Variants in BMPER observed in about 807,000 individuals in gnomAD.
BMPER encodes BMP binding endothelial regulator, also known as BMP-binding endothelial regulator protein.
A neutral mutation model predicts 87.3 loss-of-function variants in BMPER; 45 were observed. The observed-to-expected ratio is 0.52, with a 90% CI of 0.41 to 0.66. The LOEUF is 0.66. Ranked by LOEUF, BMPER falls within the 30% of genes least tolerant of loss-of-function variation. The pLI, the probability that BMPER is intolerant of heterozygous loss-of-function variation, is 0.00. For synonymous variants in BMPER, 326 were observed against 316.2 expected (o/e 1.03, Z -0.33); for missense variants, 784 against 867.5 (o/e 0.90, Z 1.21).
intron 2 of BMPER, among the ~76,000 whole-genome samples, chr7:33,928,770 TC>T (rs1784418417): frequency 6.6e-6 from 1 of 150,878 alleles, no homozygotes; most frequent in African/African-American, 2.4e-5. Flanking sequence ...CAGAAGGGCC[TC>T]CTTATTAATC....
intron 13 of BMPER, among the ~76,000 whole-genome samples, chr7:34,093,998 G>A (rs370053562): frequency 6.6e-6 from 1 of 152,278 alleles, no homozygotes; most frequent in African/African-American, 2.4e-5. Context: ...GAGGGGAAGG[G>A]ACTCATTCCA....
At chr7:33,925,523 A>C (rs1362773606) in intron 2 of BMPER, among the ~76,000 whole-genome samples, 1 of 152,186 alleles carries the variant, frequency 6.6e-6, no homozygotes, top group Non-Finnish European at 1.5e-5. Context: ...ATTACCACTC[A>C]TGGTGGACTT....
intron 6 of BMPER, among the ~76,000 whole-genome samples, chr7:34,024,376 AAAAAAACAATATATATAT>A (rs1562695106): frequency 5.4e-4 from 53 of 97,278 alleles, no homozygotes; most frequent in African/African-American, 2.5e-3. Context: ...AAAAAAAAAA[AAAAAAACAATATATATAT>A]ATATATATAT....
In BMPER at chr7:34,058,155, T is replaced by A. The variant is rs768916741; in HGVS notation, c.1024T>A (p.Cys342Ser). 3 of 1,613,768 alleles carry A rather than the reference T, an allele frequency of 1.9e-6. No individual in the cohort carries two copies. The highest frequency in any genetic ancestry group is 2.5e-6 in the Non-Finnish European group (3 of 1,179,650). ...TAAGCAGTGCATTCCCATCAGTAGC[T>A]GCCCACAGGTATGTTTGGAACACAG... is the stretch of plus-strand genomic sequence containing the variant. Reference protein sequence around the residue: ...RNKQCIPISSCPQGKILNRKG... With the variant: ...RNKQCIPISSSPQGKILNRKG... Residue 342 changes from cysteine to serine, a missense_variant, in exon 10 of 15, where the codon TGC becomes AGC. Cys to Ser is a moderately radical substitution (Grantham distance 112, BLOSUM62 -1). Transcript: ENST00000649409.
intron 11 of BMPER, among the ~76,000 whole-genome samples, chr7:34,077,512 A>G (rs1347764588): frequency 1.3e-5 from 2 of 152,188 alleles, no homozygotes; most frequent in Non-Finnish European, 2.9e-5. Flanking sequence ...GTATTTGTTC[A>G]TTGAAATTCT....
chr7:34,067,055 T>C (rs987403360), intron 11 of BMPER, among the ~76,000 whole-genome samples: 7 of 152,196 alleles, frequency 4.6e-5, no homozygotes, highest in African/African-American at 1.7e-4. Context: ...ACACTGAGGC[T>C]GATTGAATAT....
chr7:34,057,845 C>CAA (rs1425140706), intron 9 of BMPER, among the ~76,000 whole-genome samples: 1 of 152,002 alleles, frequency 6.6e-6, no homozygotes, highest in Non-Finnish European at 1.5e-5. Flanking sequence ...CACACACACA[C>CAA]ACACACACAC....
intron 5 of BMPER, among the ~76,000 whole-genome samples, chr7:33,971,554 C>T (rs1785548005): frequency 6.6e-6 from 1 of 152,124 alleles, no homozygotes; most frequent in Non-Finnish European, 1.5e-5. Flanking sequence ...GCAGAGATTG[C>T]TTGAGTGCTT....
chr7:34,103,682 C>T (rs920821471), intron 13 of BMPER, among the ~76,000 whole-genome samples: 4 of 152,098 alleles, frequency 2.6e-5, no homozygotes, highest in African/African-American at 4.8e-5. Context: ...AATAGCTTCT[C>T]TTTAAAGAAG....
chr7:34,131,871 A>G (rs1457319118), intron 13 of BMPER, among the ~76,000 whole-genome samples: 1 of 152,180 alleles, frequency 6.6e-6, no homozygotes, highest in African/African-American at 2.4e-5. Context: ...TCTGAACTTC[A>G]GTGGGGCTGG....
At chr7:33,968,311 G>A (rs1785455575) in intron 4 of BMPER, among the ~76,000 whole-genome samples, 2 of 152,198 alleles carry the variant, frequency 1.3e-5, no homozygotes, top group South Asian at 4.1e-4. Context: ...ACCAAAGGCT[G>A]CTCCTTTGCT....
At chr7:33,927,007 G>A (rs1562634646) in intron 2 of BMPER, among the ~76,000 whole-genome samples, 1 of 152,156 alleles carries the variant, frequency 6.6e-6, no homozygotes, top group Non-Finnish European at 1.5e-5. Context: ...TTTTCATCCC[G>A]GGGGGACCTT....
At chr7:34,129,532 G>C (rs1274980514) in intron 13 of BMPER, among the ~76,000 whole-genome samples, 1 of 146,240 alleles carries the variant, frequency 6.8e-6, no homozygotes, top group Non-Finnish European at 1.5e-5. Context: ...GCGAGACGCT[G>C]TCTCAAAAAA....
chr7:34,015,780 T>G (rs2127943675), intron 6 of BMPER, among the ~76,000 whole-genome samples: 1 of 152,064 alleles, frequency 6.6e-6, no homozygotes, highest in South Asian at 2.1e-4. Context: ...TGTGGCGTAT[T>G]TCCTGAATCT....
chr7:34,067,199 G>T (rs1422261801), intron 11 of BMPER: 3 of 152,174 alleles, frequency 2.0e-5, no homozygotes, highest in Non-Finnish European at 2.9e-5. Flanking sequence ...ACCCCCCAGG[G>T]TTGGTTTCCA....
At chr7:33,914,697 T>C (rs982155764) in intron 2 of BMPER, among the ~76,000 whole-genome samples, 1 of 152,118 alleles carries the variant, frequency 6.6e-6, no homozygotes, top group African/African-American at 2.4e-5. Flanking sequence ...GGAGTCTAAA[T>C]TGAGATTTTA....
At position 34,108,951 on chromosome 7, in the gene BMPER, T is replaced by A. The variant is rs79641359; in HGVS notation, c.1745+22859T>A. Among the ~76,000 whole-genome samples, 640 of 152,308 alleles carry A rather than the reference T, an allele frequency of 4.2e-3. 4 individuals carry two copies. Among genetic ancestry groups the A allele is most frequent in the Middle Eastern group, 6.8e-3 (2 of 294 alleles). ...GGTGGTCATGGAAGGGGTTGGAGGA[T>A]GATTTTGAGATGGATTCTCCAGAGA... On this transcript the variant is annotated intron_variant, in intron 13 of 14. Transcript: ENST00000649409.
intron 6 of BMPER, among the ~76,000 whole-genome samples, chr7:33,986,279 C>A (rs1199711678): frequency 6.6e-6 from 1 of 152,172 alleles, no homozygotes; most frequent in Non-Finnish European, 1.5e-5. Context: ...CTCATTTGGG[C>A]TCCTCTGCCC....
At chr7:33,950,903 A>G (rs542873182) in intron 3 of BMPER, among the ~76,000 whole-genome samples, 7 of 152,142 alleles carry the variant, frequency 4.6e-5, no homozygotes, top group African/African-American at 1.4e-4. Context: ...AGCTTGCCCA[A>G]TCAGTACACA....
Sources: gnomAD v4.1 joint callset for allele counts (sites outside exome capture counted in the v4.1 genomes callset) on GRCh38, gnomAD v4.1.1 for gene constraint, MANE v1.5 for transcripts, NCBI Gene and HGNC (gene_info 2026-07-23, HGNC 2026-07-21) for gene names.